Variants in UGT1A4 observed in about 807,000 individuals in gnomAD.
The protein encoded by UGT1A4 is UDP-glucuronosyltransferase 1A4.
UGT1A4 carries 32 observed loss-of-function variants against 41.1 expected under a neutral mutation model. The ratio of observed to expected loss-of-function variants is 0.78; its 90% CI spans 0.59 to 1.05. UGT1A4 has a LOEUF of 1.05. Among genes scored for constraint, UGT1A4 ranks in the 50% least tolerant of loss-of-function variants. The pLI is 0.00. For synonymous variants in UGT1A4, 283 were observed against 265.1 expected, an observed-to-expected ratio of 1.07 and a Z score of -0.66; for missense variants, 748 against 677.4, an observed-to-expected ratio of 1.10 and a Z score of -1.16.
chr2:233,748,112 C>G (rs879064318), intron 1 of UGT1A4: 2 of 1,611,964 alleles, frequency 1.2e-6, no homozygotes, highest in South Asian at 2.2e-5. Context: ...AATCAATGTT[C>G]CAGGCAAAAC....
chr2:233,773,246 T>C lies in UGT1A4; in HGVS notation c.*687T>C, dbSNP rs1484380021. 6.6e-6 allele frequency: 1 copy of C among 152,366 alleles called. No homozygotes were observed. The highest frequency in any genetic ancestry group is 6.5e-5 in the Admixed American group (1 of 15,284). The allele number at this position is 152,366 out of a possible 1,614,324, so 9.4% of individuals were successfully genotyped here. The stretch of plus-strand genomic sequence containing the variant: ...TATGAAGTGCTGGGCAAGTTTACTT[T>C]TTTTCTGATGTTTCCTACAACTAAA... On this transcript the variant is annotated 3_prime_UTR_variant, in exon 5 of 5. Coordinates refer to ENST00000373409, the MANE Select transcript of UGT1A4 (RefSeq NM_007120.3).
intron 1 of UGT1A4, chr2:233,760,942 C>T: frequency 6.2e-7 from 1 of 1,614,210 alleles, no homozygotes. Flanking sequence ...TGCCTTTTCA[C>T]AGAACTTTCT....
Position 233,743,622 on chromosome 2 carries a change from C to T in UGT1A4, c.868-23412C>T, listed in dbSNP as rs146398257. On this transcript the variant is annotated intron_variant, in intron 1 of 4. Coordinates refer to ENST00000373409, the MANE Select transcript of UGT1A4 (RefSeq NM_007120.3). ...TGGCCGCCGAAGAACTCCCTGAAGACGTCGGCTGGGTCGCGGAAGCTGAAG... is the reference window on the plus strand; with the variant it reads ...TGGCCGCCGAAGAACTCCCTGAAGATGTCGGCTGGGTCGCGGAAGCTGAAG... 1.1e-3 allele frequency: 1,535 copies of T among 1,367,328 alleles called. 50 individuals are homozygous for T. In the African/African-American group the frequency reaches 0.021, roughly 19 times the overall value. 84.7% of individuals were successfully genotyped at this position (1,367,328 alleles called of 1,614,324 possible). A position where few individuals can be genotyped will look rare whatever the true frequency, so the allele number is the denominator to read the frequency against.
chr2:233,761,671 C>T (rs1489520357), intron 1 of UGT1A4, among the ~76,000 whole-genome samples: 1 of 152,240 alleles, frequency 6.6e-6, no homozygotes, highest in Non-Finnish European at 1.5e-5. Flanking sequence ...ACCAGACAGT[C>T]AGGTTCTGAC....
chr2:233,723,213 C>CTT (rs201420005), intron 1 of UGT1A4, among the ~76,000 whole-genome samples: 4 of 88,884 alleles, frequency 4.5e-5, no homozygotes, highest in Non-Finnish European at 6.4e-5. Context: ...TCAAAACTGA[C>CTT]TTTTTTTTTT....
chr2:233,721,025 C>T (rs945783424), intron 1 of UGT1A4, among the ~76,000 whole-genome samples: 6 of 152,028 alleles, frequency 3.9e-5, no homozygotes, highest in Non-Finnish European at 8.8e-5. Flanking sequence ...AGCCATCTTT[C>T]TTGTGAGAGA....
chr2:233,748,927 T>C (rs1694062254), intron 1 of UGT1A4, among the ~76,000 whole-genome samples: 1 of 151,536 alleles, frequency 6.6e-6, no homozygotes, highest in Admixed American at 6.6e-5. Flanking sequence ...AAGCTGAACA[T>C]ATCACCAAAC....
intron 2 of UGT1A4, 122 bp from the exon 3 acceptor site, chr2:233,767,727 T>A (rs28946890): frequency 6.4e-7 from 1 of 1,556,204 alleles, no homozygotes; most frequent in Non-Finnish European, 8.7e-7. Flanking sequence ...CAGTTACTGA[T>A]CCTCCCACTC....
rs1235910435 is a variant in UGT1A4 at position 233,719,217 on chromosome 2, C to T, written c.397C>T (p.His133Tyr). The change falls in exon 1 of 5, where the codon CAT becomes TAT. Residue 133 changes from histidine (H) to tyrosine (Y), a missense_variant. Transcript: ENST00000373409. ...TCATAGGTGTTGTGTGGAGCTACTGCATAATGAGGCCCTGATCAGGCACCT... is the reference window on the plus strand; with the variant it reads ...TCATAGGTGTTGTGTGGAGCTACTGTATAATGAGGCCCTGATCAGGCACCT... ...ALHRCCVELL[H>Y]NEALIRHLNA... is the part of the protein sequence containing the mutation. 1.2e-6 allele frequency: 2 copies of T among 1,614,064 alleles called. No individual in the cohort carries two copies. The highest frequency in any genetic ancestry group is 1.7e-6 in the Non-Finnish European group (2 of 1,180,040).
intron 1 of UGT1A4, among the ~76,000 whole-genome samples, chr2:233,724,021 G>T (rs2077154615): frequency 1.2e-5 from 1 of 80,748 alleles, no homozygotes; most frequent in African/African-American, 7.3e-5. Context: ...TTGTCATCCT[G>T]GCCCGTTCTC....
At chr2:233,740,153 C>G (rs1191038998) in intron 1 of UGT1A4, among the ~76,000 whole-genome samples, 1 of 151,824 alleles carries the variant, frequency 6.6e-6, no homozygotes, top group African/African-American at 2.4e-5. Context: ...CCTGAGGCCT[C>G]CCCAGTCATG....
intron 1 of UGT1A4, among the ~76,000 whole-genome samples, chr2:233,745,583 G>A (rs1693151733): frequency 6.6e-6 from 1 of 151,632 alleles, no homozygotes; most frequent in Non-Finnish European, 1.5e-5. Context: ...GACATAACCT[G>A]AGACCCGGAC....
At chr2:233,729,310 A>G (rs771983234) in intron 1 of UGT1A4, 1 of 1,614,266 alleles carries the variant, frequency 6.2e-7, no homozygotes, top group Non-Finnish European at 8.5e-7. Flanking sequence ...AGTGGTCCTC[A>G]CCCCAGAGGT....
intron 1 of UGT1A4, chr2:233,738,890 T>A (rs1690929435): frequency 6.6e-6 from 1 of 152,188 alleles, no homozygotes. Flanking sequence ...TCAGAGACCT[T>A]TGCAGCAGAC....
intron 1 of UGT1A4, among the ~76,000 whole-genome samples, chr2:233,724,292 C>A (rs1379070155): frequency 7.8e-6 from 1 of 129,018 alleles, no homozygotes; most frequent in East Asian, 2.7e-4. Context: ...GGGGGGCTGA[C>A]CCCCCCACCT....
Position 233,761,122 on chromosome 2 carries a change from A to T in UGT1A4, c.868-5912A>T, listed in dbSNP as rs397978903. 136 of 1,614,116 alleles carry T rather than the reference A, an allele frequency of 8.4e-5. No individual in the cohort carries two copies. Among genetic ancestry groups the T allele is most frequent in the Non-Finnish European group, 1.1e-4 (124 of 1,180,046 alleles). On this transcript the variant is annotated intron_variant, in intron 1 of 4. Coordinates refer to ENST00000373409, the MANE Select transcript of UGT1A4 (RefSeq NM_007120.3). The stretch of plus-strand genomic sequence containing the variant: ...CAATATGGTTTTTGTTGGTGGAATC[A>T]ACTGCCTTCACCAAAATCCACTATC...
chr2:233,772,292 C>A lies in UGT1A4; in HGVS notation c.1338C>A (p.Ser446Arg), dbSNP rs778015980. 2 of 1,614,246 alleles carry A rather than the reference C, an allele frequency of 1.2e-6. No homozygotes were observed. Among genetic ancestry groups the A allele is most frequent in the Admixed American group, 3.3e-5 (2 of 60,030 alleles). Residue 446 changes from serine (S) to arginine (R), a missense_variant, in exon 5 of 5, where the codon AGC becomes AGA. By Grantham distance (110) the Ser-to-Arg change is moderately radical (BLOSUM62 -1). Coordinates refer to ENST00000373409, the MANE Select transcript of UGT1A4 (RefSeq NM_007120.3). ...SYKENIMRLSSLHKDRPVEPL... is the reference protein window; with the variant it reads ...SYKENIMRLSRLHKDRPVEPL... ...AGGAGAACATCATGCGCCTCTCCAG[C>A]CTTCACAAGGACCGCCCGGTGGAGC... is the stretch of plus-strand genomic sequence containing the variant.
rs1333399571 is a variant in UGT1A4 at position 233,769,871 on chromosome 2, A to AT, written c.1307+1432_1307+1433insT. 8.6e-6 allele frequency: 4 copies of AT among 463,518 alleles called. No individual in the cohort carries two copies. Among genetic ancestry groups the AT allele is most frequent in the Non-Finnish European group, 1.5e-5 (4 of 275,572 alleles). The allele number at this position is 463,518 out of a possible 1,614,324, so 28.7% of individuals were successfully genotyped here. A position where few individuals can be genotyped will look rare whatever the true frequency, so the allele number is the denominator to read the frequency against. Reference sequence around the variant, plus strand: ...AGACCCTGTCTCAAAAAAAAAAAAAAAAATGAAAAGTCCACATAACCTGAG... The same window carrying AT: ...AGACCCTGTCTCAAAAAAAAAAAAAATAAATGAAAAGTCCACATAACCTGAG... On this transcript the variant is annotated intron_variant, in intron 4 of 4. Transcript: ENST00000373409. The surrounding 1 kb of genome is among the most constrained non-coding windows in gnomAD (Gnocchi z 4.4).
chr2:233,748,577 A>T (rs1363502467), intron 1 of UGT1A4, among the ~76,000 whole-genome samples: 1 of 151,860 alleles, frequency 6.6e-6, no homozygotes, highest in Non-Finnish European at 1.5e-5. Context: ...AGTGTTAAAG[A>T]GGTTGACTCA....
Sources: gnomAD v4.1 joint callset for allele counts (sites outside exome capture counted in the v4.1 genomes callset) on GRCh38, gnomAD v4.1.1 for gene constraint, Gnocchi (gnomAD v3.1) non-coding constraint, MANE v1.5 for transcripts, NCBI Gene and HGNC (gene_info 2026-07-23, HGNC 2026-07-21) for gene names.